Variants in CDH22 observed in about 807,000 individuals in gnomAD.
CDH22 encodes cadherin 22.
CDH22 carries 30 observed loss-of-function variants against 58.4 expected under a neutral mutation model. That is an observed-to-expected ratio of 0.51 (90% CI 0.38 to 0.70). The LOEUF is 0.70. Ranked by LOEUF, CDH22 falls within the 30% of genes least tolerant of loss-of-function variation. CDH22 has a pLI of 0.00. For missense variants in CDH22, 1,014 were observed against 1,233.9 expected, an observed-to-expected ratio of 0.82 and a Z score of 2.67; for synonymous variants, 513 against 558.2, an observed-to-expected ratio of 0.92 and a Z score of 1.14.
intron 1 of CDH22, among the ~76,000 whole-genome samples, chr20:46,262,230 G>A (rs1331914871): frequency 1.3e-5 from 2 of 151,778 alleles, no homozygotes; most frequent in Admixed American, 6.6e-5. Flanking sequence ...GAGGGGGTGG[G>A]GGGTGGTGGA....
chr20:46,238,035 C>T (rs962595210), intron 3 of CDH22, among the ~76,000 whole-genome samples: 4 of 152,188 alleles, frequency 2.6e-5, no homozygotes, highest in African/African-American at 9.7e-5. Context: ...TGAGGCTGCT[C>T]TTCCCCTGGC....
Position 46,213,069 on chromosome 20 carries a change from T to C in CDH22, c.958A>G (p.Ser320Gly). ...TTGAACACATCGCCGCCGCTGCTGC[T>C]CTCGTCCTTAAGGTGGTAAGTCATG... The part of the protein sequence containing the change: ...TDMTYHLKDE[S>G]SSGGDVFKVT... The change falls in exon 6 of 12, where the codon AGC (serine) becomes GGC (glycine). Residue 320 changes from serine to glycine, a missense_variant. Coordinates refer to ENST00000537909, the MANE Select transcript of CDH22 (RefSeq NM_021248.3). 3 of 1,614,196 alleles carry C rather than the reference T, an allele frequency of 1.9e-6. No homozygotes were observed. Among genetic ancestry groups the C allele is most frequent in the Non-Finnish European group, 2.5e-6 (3 of 1,180,032 alleles).
chr20:46,224,476 T>G (rs2086157050), intron 4 of CDH22, among the ~76,000 whole-genome samples: 1 of 152,134 alleles, frequency 6.6e-6, no homozygotes, highest in Non-Finnish European at 1.5e-5. Flanking sequence ...ACCCAACCAT[T>G]CTTGGAGCTC....
intron 7 of CDH22, among the ~76,000 whole-genome samples, chr20:46,201,655 T>C (rs528240136): frequency 5.3e-5 from 8 of 152,190 alleles, no homozygotes; most frequent in African/African-American, 1.9e-4. Context: ...GTCCTGGAGG[T>C]GAATGCCTAT....
intron 1 of CDH22, among the ~76,000 whole-genome samples, chr20:46,299,052 A>T (rs2086640226): frequency 1.3e-5 from 2 of 152,164 alleles, no homozygotes; most frequent in Non-Finnish European, 1.5e-5. Flanking sequence ...ATCTTTCTAC[A>T]GCTTAATTCC....
chr20:46,174,628 G>T lies in CDH22; in HGVS notation c.2365C>A (p.His789Asn). The T allele has an allele frequency of 1.9e-6, 3 of 1,549,544 alleles. No homozygotes were observed. The highest frequency in any genetic ancestry group is 2.6e-6 in the Non-Finnish European group (3 of 1,152,810). Reference sequence around the variant, plus strand: ...TGCTCGGAGCCCGACGAGCCGCTGTGCAGGGAGCTGAGCGAGGCGGCCGGC... The same window carrying T: ...TGCTCGGAGCCCGACGAGCCGCTGTTCAGGGAGCTGAGCGAGGCGGCCGGC... ...DSPAASLSSL[H>N]SGSSGSEQDF... The change falls in exon 12 of 12, where the codon CAC becomes AAC. Residue 789 changes from histidine (H) to asparagine (N), a missense_variant. Around this residue, in one of 2 missense-constraint regions of CDH22, gnomAD observed 208 missense variants for 195.2 expected, o/e 1.07. Transcript: ENST00000537909. The surrounding 1 kb of genome is among the most constrained non-coding windows in gnomAD (Gnocchi z 4.4).
chr20:46,174,840 G>T lies in CDH22; in HGVS notation c.2153C>A (p.Ala718Glu). 2 of 1,355,448 alleles carry T rather than the reference G, an allele frequency of 1.5e-6. No individual in the cohort carries two copies. Among genetic ancestry groups the T allele is most frequent in the Non-Finnish European group, 1.9e-6 (2 of 1,057,920 alleles). 84.0% of individuals were successfully genotyped at this position (1,355,448 alleles called of 1,614,324 possible). A position where few individuals can be genotyped will look rare whatever the true frequency, so the allele number is the denominator to read the frequency against. ...GGAGGGSGGG[A>E]GSPPQAHLPS... Reference sequence around the variant, plus strand: ...CAGGTGGGCCTGCGGGGGGCTGCCCGCGCCCCCGCCCGAGCCCCCGCCCGC... The same window carrying T: ...CAGGTGGGCCTGCGGGGGGCTGCCCTCGCCCCCGCCCGAGCCCCCGCCCGC... Residue 718 changes from alanine to glutamate, a missense_variant, in exon 12 of 12, where the codon GCG (alanine) becomes GAG (glutamate). Ala to Glu is a moderately radical substitution (Grantham distance 107, BLOSUM62 -1). Coordinates refer to ENST00000537909, the MANE Select transcript of CDH22 (RefSeq NM_021248.3). The surrounding 1 kb of genome is among the most constrained non-coding windows in gnomAD (Gnocchi z 4.4).
chr20:46,252,753 G>T (rs2086386271), intron 1 of CDH22, among the ~76,000 whole-genome samples: 1 of 152,248 alleles, frequency 6.6e-6, no homozygotes, highest in African/African-American at 2.4e-5. Context: ...TCACAGTTTA[G>T]TGGGGTGGAA....
At chr20:46,281,890 G>C (rs937942481) in intron 1 of CDH22, among the ~76,000 whole-genome samples, 1 of 152,226 alleles carries the variant, frequency 6.6e-6, no homozygotes, top group Non-Finnish European at 1.5e-5. Context: ...CGGAGCACAC[G>C]CATTAATTCT....
chr20:46,254,606 TTCTGGTGGGGGA>T (rs2145741734), intron 1 of CDH22, among the ~76,000 whole-genome samples: 1 of 151,808 alleles, frequency 6.6e-6, no homozygotes, highest in African/African-American at 2.4e-5. Context: ...GGAACTGACT[TTCTGGTGGGGGA>T]CACAGATAAT....
At chr20:46,191,838 G>A (rs917352575) in intron 8 of CDH22, among the ~76,000 whole-genome samples, 4 of 152,144 alleles carry the variant, frequency 2.6e-5, no homozygotes, top group African/African-American at 9.7e-5. Context: ...ATTGCTCTCA[G>A]TTCTGGGCAA....
chr20:46,250,078 A>G (rs1410693080), intron 2 of CDH22, among the ~76,000 whole-genome samples: 3 of 152,150 alleles, frequency 2.0e-5, no homozygotes, highest in Non-Finnish European at 4.4e-5. Flanking sequence ...AGCATCACAC[A>G]TGGGCCCCAC....
At chr20:46,240,687 G>T (rs926541990) in intron 3 of CDH22, among the ~76,000 whole-genome samples, 1 of 152,270 alleles carries the variant, frequency 6.6e-6, no homozygotes, top group Middle Eastern at 3.4e-3. Flanking sequence ...GGGTGTGGCT[G>T]TATGAGCATG....
chr20:46,306,734 G>A (rs1394238190), intron 1 of CDH22, among the ~76,000 whole-genome samples: 1 of 152,158 alleles, frequency 6.6e-6, no homozygotes, highest in Non-Finnish European at 1.5e-5. Flanking sequence ...GGTTGGGGGG[G>A]ACGAGGAAAT....
intron 3 of CDH22, among the ~76,000 whole-genome samples, chr20:46,233,767 G>A (rs1454898350): frequency 6.6e-6 from 1 of 152,226 alleles, no homozygotes; most frequent in Non-Finnish European, 1.5e-5. Flanking sequence ...CTCGGCTCCT[G>A]TCTGCTGCTT....
At chr20:46,249,643 C>A (rs2086355815) in intron 2 of CDH22, among the ~76,000 whole-genome samples, 1 of 152,198 alleles carries the variant, frequency 6.6e-6, no homozygotes, top group Admixed American at 6.5e-5. Context: ...TTTAAGCACA[C>A]AGGAAGCTCT....
At chr20:46,264,984 C>A (rs2086451643) in intron 1 of CDH22, among the ~76,000 whole-genome samples, 1 of 152,194 alleles carries the variant, frequency 6.6e-6, no homozygotes, top group Admixed American at 6.5e-5. Flanking sequence ...CCTGTTAGAA[C>A]CCTCCACCTC....
intron 1 of CDH22, among the ~76,000 whole-genome samples, chr20:46,279,959 A>C (rs2086541411): frequency 6.6e-6 from 1 of 152,040 alleles, no homozygotes; most frequent in Admixed American, 6.5e-5. Context: ...CAAGACTTTG[A>C]GGGATGGATT....
chr20:46,302,640 T>A (rs1053219335), intron 1 of CDH22, among the ~76,000 whole-genome samples: 2 of 152,114 alleles, frequency 1.3e-5, no homozygotes, highest in Non-Finnish European at 2.9e-5. Context: ...TCCTGGATGG[T>A]GAGCTCCTCC....
Sources: allele counts gnomAD v4.1 joint callset (sites outside exome capture counted in the v4.1 genomes callset), GRCh38; gene constraint gnomAD v4.1.1; regional missense constraint gnomAD v4.1.1; non-coding constraint Gnocchi (gnomAD v3.1); transcripts MANE v1.5; gene names NCBI Gene and HGNC (gene_info 2026-07-23, HGNC 2026-07-21).